The following PRKG1 variants were observed in gnomAD, a reference collection of about 807,000 sequenced individuals.
The protein encoded by PRKG1 is cGMP-dependent protein kinase 1.
Under a neutral mutation model 88.1 loss-of-function variants are expected in PRKG1, and 35 were observed. The observed-to-expected ratio is 0.40, with a 90% confidence interval of 0.30 to 0.53. The LOEUF (loss-of-function observed/expected upper bound fraction) is 0.53. PRKG1 is among the 20% of genes least tolerant of loss of function. The pLI is 0.59. For missense variants in PRKG1, 540 were observed against 839.8 expected (o/e 0.64, Z 4.41); for synonymous variants, 303 against 292.5 (o/e 1.04, Z -0.37).
chr10:51,134,663 G>T (rs1410630680), intron 1 of PRKG1, among the ~76,000 whole-genome samples: 1 of 152,072 alleles, frequency 6.6e-6, no homozygotes, highest in Non-Finnish European at 1.5e-5. Context: ...ACTTCACAGA[G>T]AACTATTTTT....
intron 3 of PRKG1, among the ~76,000 whole-genome samples, chr10:51,627,920 C>CCTT (rs1554826880): frequency 1.3e-5 from 1 of 74,984 alleles, no homozygotes; most frequent in South Asian, 6.7e-4. Context: ...TCCCTTCCTT[C>CCTT]CCTTCCTTTC....
intron 5 of PRKG1, among the ~76,000 whole-genome samples, chr10:51,938,467 A>G (rs1392477082): frequency 6.6e-6 from 1 of 152,038 alleles, no homozygotes; most frequent in Non-Finnish European, 1.5e-5. Flanking sequence ...AATGTGGTTT[A>G]GAGCAAGGTG....
intron 2 of PRKG1, among the ~76,000 whole-genome samples, chr10:51,170,556 T>G (rs1207989393): frequency 6.6e-6 from 1 of 151,806 alleles, no homozygotes. Flanking sequence ...TGCTATGTTC[T>G]GTAAGGTGCT....
Position 51,191,947 on chromosome 10 carries a change from G to A in PRKG1, c.478+38617G>A, listed in dbSNP as rs1044738285. ...GTATCATTCTGTGGGTCATACTGAA[G>A]AGGGCCCTCCTTAGGTCAGTGGTTT... On this transcript the variant is annotated intron_variant, in intron 2 of 17. Coordinates refer to ENST00000373980, the MANE Select transcript of PRKG1 (RefSeq NM_006258.4). Among the ~76,000 whole-genome samples the A allele has an allele frequency of 4.6e-5, 7 of 151,848 alleles. No homozygotes were observed. The South Asian group carries it at 6.2e-4, about 13-fold the overall frequency.
intron 5 of PRKG1, among the ~76,000 whole-genome samples, chr10:52,021,600 A>G (rs530150654): frequency 6.6e-6 from 1 of 152,248 alleles, no homozygotes; most frequent in Admixed American, 6.5e-5. Context: ...ATATGTGTTT[A>G]TTTCTATGTG....
At chr10:51,149,955 C>G (rs1198307826) in intron 1 of PRKG1, among the ~76,000 whole-genome samples, 2 of 151,910 alleles carry the variant, frequency 1.3e-5, no homozygotes, top group African/African-American at 4.8e-5. Context: ...TCAATGATGA[C>G]AAAGGAATAG....
chr10:51,976,175 G>T (rs1843827152), intron 5 of PRKG1, among the ~76,000 whole-genome samples: 1 of 151,862 alleles, frequency 6.6e-6, no homozygotes, highest in African/African-American at 2.4e-5. Flanking sequence ...ATGTAAAAGG[G>T]TGCAGACACT....
chr10:51,395,316 A>C (rs919344120), intron 2 of PRKG1, among the ~76,000 whole-genome samples: 5 of 152,238 alleles, frequency 3.3e-5, no homozygotes, highest in East Asian at 1.9e-4. Flanking sequence ...AGTGTGCAGC[A>C]CCTCATTGTC....
intron 5 of PRKG1, among the ~76,000 whole-genome samples, chr10:51,981,709 C>T (rs780260803): frequency 2.0e-5 from 3 of 152,120 alleles, no homozygotes; most frequent in Admixed American, 6.6e-5. Context: ...TTCCTTTTGT[C>T]GCTTATCTGA....
intron 7 of PRKG1, among the ~76,000 whole-genome samples, chr10:52,122,593 A>G (rs1294972556): frequency 6.6e-6 from 1 of 152,226 alleles, no homozygotes; most frequent in African/African-American, 2.4e-5. Context: ...TAAAATAATA[A>G]CAAAGAACAA....
intron 5 of PRKG1, among the ~76,000 whole-genome samples, chr10:52,036,992 G>C (rs1477652139): frequency 1.3e-5 from 2 of 152,406 alleles, no homozygotes; most frequent in Middle Eastern, 6.8e-3. Flanking sequence ...GTCTGTGATG[G>C]TCTAGGGGGC....
At chr10:51,258,154 T>C (rs1277556613) in intron 2 of PRKG1, among the ~76,000 whole-genome samples, 1 of 152,052 alleles carries the variant, frequency 6.6e-6, no homozygotes, top group Admixed American at 6.6e-5. Context: ...GTGTAAGGCT[T>C]CTCCAGACAC....
At chr10:51,160,354 T>C (rs186517330) in intron 2 of PRKG1, among the ~76,000 whole-genome samples, 92 of 152,344 alleles carry the variant, frequency 6.0e-4, no homozygotes, top group Middle Eastern at 3.4e-3. Context: ...AATAATTTTC[T>C]GTTATTTTGC....
At chr10:51,383,650 C>T (rs1195933636) in intron 2 of PRKG1, among the ~76,000 whole-genome samples, 2 of 152,120 alleles carry the variant, frequency 1.3e-5, no homozygotes, top group Non-Finnish European at 2.9e-5. Flanking sequence ...TCTTGACTGA[C>T]CTGTCCCATA....
At position 52,288,862 on chromosome 10, in the gene PRKG1, C is replaced by T; in HGVS notation, c.1832+14C>T. 2.5e-6 allele frequency: 4 copies of T among 1,595,808 alleles called. No individual in the cohort carries two copies. Among genetic ancestry groups the T allele is most frequent in the Non-Finnish European group, 2.6e-6 (3 of 1,173,392 alleles). ...AAAACTATGCAGGTAAGTATTTCAACCACATTATTTTTGAAAACATCATAA... is the reference window on the plus strand; with the variant it reads ...AAAACTATGCAGGTAAGTATTTCAATCACATTATTTTTGAAAACATCATAA... On this transcript the variant is annotated intron_variant, in intron 15 of 17. Transcript: ENST00000373980.
intron 3 of PRKG1, among the ~76,000 whole-genome samples, chr10:51,759,189 TATA>T (rs1837953119): frequency 6.6e-6 from 1 of 152,212 alleles, no homozygotes; most frequent in Non-Finnish European, 1.5e-5. Context: ...TAGAATGATT[TATA>T]ATCCTTTGGG....
intron 5 of PRKG1, among the ~76,000 whole-genome samples, chr10:52,006,634 A>G (rs1834653395): frequency 6.6e-6 from 1 of 152,232 alleles, no homozygotes; most frequent in Non-Finnish European, 1.5e-5. Context: ...GATTACATAT[A>G]AAGACCAAAT....
chr10:52,206,355 CT>C (rs1207847165), intron 9 of PRKG1, among the ~76,000 whole-genome samples: 1 of 152,000 alleles, frequency 6.6e-6, no homozygotes, highest in Non-Finnish European at 1.5e-5. Flanking sequence ...TTTTGTCTTT[CT>C]CTTGAATCTC....
intron 2 of PRKG1, among the ~76,000 whole-genome samples, chr10:51,413,014 G>A (rs1838137599): frequency 2.0e-5 from 3 of 152,178 alleles, no homozygotes; most frequent in Admixed American, 2.0e-4. Flanking sequence ...GCCTTATAAA[G>A]ATTAAAAACT....
Sources: allele counts gnomAD v4.1 joint callset (sites outside exome capture counted in the v4.1 genomes callset), GRCh38; gene constraint gnomAD v4.1.1; transcripts MANE v1.5; gene names NCBI Gene and HGNC (gene_info 2026-07-23, HGNC 2026-07-21).